The following EPB41 variants were observed in gnomAD, a reference collection of about 807,000 sequenced individuals.
EPB41 encodes erythrocyte membrane protein band 4.1.
A neutral mutation model predicts 108.0 loss-of-function variants in EPB41; 65 were observed. The observed-to-expected ratio is 0.60, with a 90% CI of 0.49 to 0.74. The LOEUF is 0.74. Among genes scored for constraint, EPB41 ranks in the 30% least tolerant of loss-of-function variants. The pLI is 0.00. For missense variants in EPB41, 875 were observed against 1,037.0 expected, an observed-to-expected ratio of 0.84 and a Z score of 2.15; for synonymous variants, 336 against 358.9, an observed-to-expected ratio of 0.94 and a Z score of 0.72.
chr1:28,988,060 C>T (rs568170588), intron 2 of EPB41, among the ~76,000 whole-genome samples, 155 bp downstream of exon 2: 4 of 152,282 alleles, frequency 2.6e-5, no homozygotes, highest in South Asian at 2.1e-4. Context: ...GTCAGGAGTT[C>T]GAGACCAGCC....
chr1:29,038,206 A>G (rs1458415037), intron 10 of EPB41, among the ~76,000 whole-genome samples: 1 of 152,244 alleles, frequency 6.6e-6, no homozygotes, highest in Non-Finnish European at 1.5e-5. Flanking sequence ...TACATTTTAC[A>G]CCCAATTAAA....
intron 17 of EPB41, 95 bp downstream of exon 17, chr1:29,098,030 C>A: frequency 6.4e-7 from 1 of 1,559,882 alleles, no homozygotes. Flanking sequence ...CCAAGAATAC[C>A]AGGTTTTTCT....
At chr1:29,094,810 T>G (rs2151456043) in intron 16 of EPB41, among the ~76,000 whole-genome samples, 1 of 152,314 alleles carries the variant, frequency 6.6e-6, no homozygotes, top group East Asian at 1.9e-4. Flanking sequence ...CTCTTCCATG[T>G]GCAGTGGTCC....
intron 1 of EPB41, among the ~76,000 whole-genome samples, chr1:28,942,031 T>C (rs2148794986): frequency 6.6e-6 from 1 of 152,242 alleles, no homozygotes; most frequent in African/African-American, 2.4e-5. Context: ...CTATTAATGC[T>C]AATACTATAA....
At chr1:28,969,575 C>G (rs1034067363) in intron 1 of EPB41, among the ~76,000 whole-genome samples, 4 of 151,192 alleles carry the variant, frequency 2.6e-5, no homozygotes, top group Non-Finnish European at 5.9e-5. Context: ...ACCATCCTGG[C>G]TAACACGGTG....
intron 10 of EPB41, among the ~76,000 whole-genome samples, chr1:29,036,522 A>G (rs1004472264): frequency 1.3e-5 from 2 of 151,928 alleles, no homozygotes; most frequent in African/African-American, 4.8e-5. Flanking sequence ...TGGCCTCCCA[A>G]TGTGCTGGGA....
At chr1:29,046,188 T>C (rs531264188) in intron 11 of EPB41, among the ~76,000 whole-genome samples, 4 of 151,900 alleles carry the variant, frequency 2.6e-5, no homozygotes, top group Admixed American at 2.6e-4. Flanking sequence ...GCAGTGGCAC[T>C]ATCTCGGCTC....
At chr1:28,924,915 GC>G (rs1333989051) in intron 1 of EPB41, among the ~76,000 whole-genome samples, 63 of 150,396 alleles carry the variant, frequency 4.2e-4, no homozygotes, top group African/African-American at 1.5e-3. Context: ...TCCCACCTCA[GC>G]CTCCTGAGGA....
intron 1 of EPB41, among the ~76,000 whole-genome samples, chr1:28,929,132 C>G (rs899829004): frequency 2.6e-5 from 4 of 152,128 alleles, no homozygotes; most frequent in African/African-American, 9.7e-5. Context: ...TGAATGGGAA[C>G]TAATTATTAT....
chr1:29,087,145 G>A (rs1157203264), intron 16 of EPB41, among the ~76,000 whole-genome samples: 1 of 151,830 alleles, frequency 6.6e-6, no homozygotes, highest in Non-Finnish European at 1.5e-5. Flanking sequence ...GTTTTACCAT[G>A]TTAGCCAGGA....
At chr1:29,015,966 C>G (rs983096453) in intron 6 of EPB41, among the ~76,000 whole-genome samples, 199 bp downstream of exon 6, 1 of 152,194 alleles carries the variant, frequency 6.6e-6, no homozygotes, top group Non-Finnish European at 1.5e-5. Flanking sequence ...CCTTGAGTAT[C>G]TGTGACCTGT....
In EPB41 at chr1:28,993,418, A is replaced by G. The variant is rs2096072914; in HGVS notation, c.557A>G (p.Glu186Gly). The G allele has an allele frequency of 6.2e-7, 1 of 1,614,076 alleles. No homozygotes were observed. Among genetic ancestry groups the G allele is most frequent in the Non-Finnish European group, 8.5e-7 (1 of 1,179,996 alleles). Residue 186 changes from glutamate (E) to glycine (G), a missense_variant, in exon 3 of 21, where the codon GAA (glutamate) becomes GGA (glycine). Glu to Gly is a moderately conservative substitution (Grantham distance 98, BLOSUM62 -2). Transcript: ENST00000343067. ...LEECSKIEVKEESPQSKAETE... is the reference protein window; with the variant it reads ...LEECSKIEVKGESPQSKAETE... ...GAGTGCTCCAAAATAGAAGTAAAAG[A>G]AGAAAGCCCTCAATCAAAAGCAGAA...
At chr1:29,080,475 C>T (rs1339326468) in intron 16 of EPB41, among the ~76,000 whole-genome samples, 8 of 149,104 alleles carry the variant, frequency 5.4e-5, no homozygotes, top group Non-Finnish European at 1.2e-4. Context: ...GTGATGCAAT[C>T]ACATCTCACT....
chr1:28,946,370 G>A (rs1354188696), intron 1 of EPB41, among the ~76,000 whole-genome samples: 1 of 152,114 alleles, frequency 6.6e-6, no homozygotes, highest in Non-Finnish European at 1.5e-5. Context: ...GCCTCCCAAA[G>A]TGCTGGGATT....
intron 16 of EPB41, among the ~76,000 whole-genome samples, chr1:29,078,673 A>C (rs1350387270): frequency 6.6e-6 from 1 of 152,138 alleles, no homozygotes; most frequent in Non-Finnish European, 1.5e-5. Flanking sequence ...ATTTGAACCC[A>C]GGAGTTTGAG....
At chr1:29,045,843 G>A (rs543391244) in intron 11 of EPB41, among the ~76,000 whole-genome samples, 186 of 149,670 alleles carry the variant, frequency 1.2e-3, no homozygotes, top group African/African-American at 4.3e-3. Context: ...GAGCATGGTA[G>A]TGCACACCTG....
intron 2 of EPB41, among the ~76,000 whole-genome samples, chr1:28,990,575 A>G (rs1055290304): frequency 6.6e-6 from 1 of 151,714 alleles, no homozygotes; most frequent in Admixed American, 6.6e-5. Context: ...TGCATGCCAC[A>G]TGCCCAGCTA....
At chr1:28,901,025 G>A (rs985083797) in intron 1 of EPB41, among the ~76,000 whole-genome samples, 5 of 152,032 alleles carry the variant, frequency 3.3e-5, no homozygotes, top group African/African-American at 7.3e-5. Context: ...CGCCTCCCGG[G>A]TTCATGCCAT....
At chr1:29,086,937 G>GTTTTTTTT (rs1257020934) in intron 16 of EPB41, among the ~76,000 whole-genome samples, 1 of 105,228 alleles carries the variant, frequency 9.5e-6, no homozygotes, top group African/African-American at 3.2e-5. Context: ...CTTAACTGTG[G>GTTTTTTTT]TTCTTTTTTT....
Sources: gnomAD v4.1 joint callset for allele counts (sites outside exome capture counted in the v4.1 genomes callset) on GRCh38, gnomAD v4.1.1 for gene constraint, MANE v1.5 for transcripts, NCBI Gene and HGNC (gene_info 2026-07-23, HGNC 2026-07-21) for gene names.